AKT3: variants seen among roughly 807,000 people sequenced by gnomAD.
AKT3 encodes RAC-gamma serine/threonine-protein kinase.
A neutral mutation model predicts 65.3 loss-of-function variants in AKT3; 15 were observed. That is an observed-to-expected ratio of 0.23 (90% CI 0.15 to 0.35). The LOEUF (loss-of-function observed/expected upper bound fraction) is 0.35. Among genes scored for constraint, AKT3 ranks in the 10% least tolerant of loss-of-function variants. The pLI, the probability that AKT3 is intolerant of heterozygous loss-of-function variation, is 1.00. For missense variants in AKT3, 243 were observed against 576.5 expected (o/e 0.42, Z 5.92); for synonymous variants, 206 against 183.8 (o/e 1.12, Z -0.98).
rs887159202 is a variant in AKT3 at position 243,615,143 on chromosome 1, G to A, written c.580C>T (p.Leu194=). ...TTCTTTAATACTCTGCTTTCAGTTA[G>A]AGTGTGTGCCACTTCATCCTACAAA... ...IIAKDEVAHT[L]TESRVLKNTR... is the part of the protein sequence containing the mutation. Residue 194 remains leucine, a synonymous_variant, in exon 7 of 14, where the codon CTA becomes TTA. Transcript: ENST00000673466. 3.7e-6 allele frequency: 6 copies of A among 1,608,616 alleles called. No homozygotes were observed. Among genetic ancestry groups the A allele is most frequent in the African/African-American group, 2.7e-5 (2 of 74,806 alleles).
At chr1:243,615,495 A>G (rs757107255) in intron 6 of AKT3, among the ~76,000 whole-genome samples, 2 of 152,188 alleles carry the variant, frequency 1.3e-5, no homozygotes, top group Non-Finnish European at 2.9e-5. Flanking sequence ...CAATTTATCA[A>G]CTAATATTTC....
intron 13 of AKT3, among the ~76,000 whole-genome samples, chr1:243,509,284 G>T (rs1251369891): frequency 1.3e-5 from 2 of 152,166 alleles, no homozygotes; most frequent in Non-Finnish European, 2.9e-5. Flanking sequence ...ACTGTGCTGG[G>T]GGACTTCTAA....
At chr1:243,531,479 T>C (rs1399521748) in intron 12 of AKT3, among the ~76,000 whole-genome samples, 2 of 152,208 alleles carry the variant, frequency 1.3e-5, no homozygotes, top group East Asian at 1.9e-4. Context: ...CAAGTTTTTA[T>C]AGTTTTCTCC....
intron 12 of AKT3, among the ~76,000 whole-genome samples, chr1:243,527,932 CACACAG>C (rs1178371015): frequency 0.076 from 2,425 of 32,086 alleles, 21 homozygotes; most frequent in Non-Finnish European, 0.12. Context: ...CACACACACA[CACACAG>C]AGAGAGAGAG....
intron 8 of AKT3, among the ~76,000 whole-genome samples, chr1:243,598,530 T>C (rs1676788699): frequency 6.6e-6 from 1 of 152,196 alleles, no homozygotes; most frequent in Admixed American, 6.5e-5. Flanking sequence ...TCTCTCATAA[T>C]AGCCTAACAG....
At chr1:243,543,270 A>C (rs974707297) in intron 12 of AKT3, among the ~76,000 whole-genome samples, 3 of 152,068 alleles carry the variant, frequency 2.0e-5, no homozygotes, top group African/African-American at 7.2e-5. Flanking sequence ...GGGCTCTCAG[A>C]GCTTTCTCCA....
At chr1:243,657,084 C>T (rs960246064) in intron 4 of AKT3, among the ~76,000 whole-genome samples, 3 of 152,116 alleles carry the variant, frequency 2.0e-5, no homozygotes, top group Admixed American at 6.6e-5. Context: ...GGTTACTTAA[C>T]CCCAAAGGTG....
chr1:243,552,632 C>A, intron 11 of AKT3, 97 bp downstream of exon 11: 1 of 1,095,208 alleles, frequency 9.1e-7, no homozygotes, highest in South Asian at 1.4e-5. Context: ...ACACCAAATA[C>A]ATTGCTTCTT....
intron 2 of AKT3, among the ~76,000 whole-genome samples, chr1:243,830,292 T>C (rs1694421651): frequency 6.6e-6 from 1 of 152,168 alleles, no homozygotes; most frequent in Non-Finnish European, 1.5e-5. Context: ...ATGCAAATAC[T>C]ACACCATTTT....
At chr1:243,575,412 T>C (rs1283706821) in intron 8 of AKT3, among the ~76,000 whole-genome samples, 1 of 152,172 alleles carries the variant, frequency 6.6e-6, no homozygotes, top group African/African-American at 2.4e-5. Flanking sequence ...ATTCCAAGCA[T>C]TGAGTGCGGT....
intron 3 of AKT3, among the ~76,000 whole-genome samples, chr1:243,675,210 T>C (rs935798713): frequency 6.6e-6 from 1 of 151,990 alleles, no homozygotes; most frequent in Admixed American, 6.6e-5. Flanking sequence ...CAAAGTCACT[T>C]TTTTTTTGAG....
At chr1:243,620,661 C>T (rs1162196152) in intron 6 of AKT3, among the ~76,000 whole-genome samples, 5 of 152,146 alleles carry the variant, frequency 3.3e-5, no homozygotes, top group African/African-American at 1.2e-4. Flanking sequence ...AGCTGTCAGA[C>T]TGTCTTCTGT....
intron 12 of AKT3, among the ~76,000 whole-genome samples, chr1:243,518,903 C>G (rs1670533994): frequency 6.6e-6 from 1 of 152,126 alleles, no homozygotes; most frequent in South Asian, 2.1e-4. Flanking sequence ...GACAGAGCCC[C>G]TGTAAGAGCA....
chr1:243,724,415 G>A (rs1687090871), intron 2 of AKT3, among the ~76,000 whole-genome samples: 1 of 152,090 alleles, frequency 6.6e-6, no homozygotes, highest in Non-Finnish European at 1.5e-5. Context: ...CAGTAATCAA[G>A]ACCAAAAACA....
In AKT3 at chr1:243,502,465, G is replaced by A. The variant is rs115052218; in HGVS notation, c.*2784C>T. On this transcript the variant is annotated 3_prime_UTR_variant, in exon 14 of 14. Transcript: ENST00000673466. ...CAAGATGGCTGCATTATGACAAGAA[G>A]TCAAGCTTCATGACAGTTAGTATGG... is the stretch of plus-strand genomic sequence containing the variant. 3.0e-3 allele frequency: 696 copies of A among 233,242 alleles called. 9 individuals carry two copies. Among genetic ancestry groups the A allele is most frequent in the African/African-American group, 0.014 (615 of 45,464 alleles). The allele number at this position is 233,242 out of a possible 1,614,324, so 14.4% of individuals were successfully genotyped here.
At chr1:243,494,576 C>T (rs975437195) in intron 13 of AKT3, among the ~76,000 whole-genome samples, 11 of 152,094 alleles carry the variant, frequency 7.2e-5, no homozygotes, top group African/African-American at 9.7e-5. Context: ...CTGAGCGCCC[C>T]GTGTATAATT....
intron 3 of AKT3, among the ~76,000 whole-genome samples, chr1:243,668,871 G>A (rs947771941): frequency 3.9e-5 from 6 of 152,096 alleles, no homozygotes; most frequent in African/African-American, 1.2e-4. Flanking sequence ...GGATGTGCAA[G>A]ACAATGAAAA....
chr1:243,623,850 TA>T (rs1380864809), intron 6 of AKT3, among the ~76,000 whole-genome samples: 1 of 152,214 alleles, frequency 6.6e-6, no homozygotes, highest in Admixed American at 6.5e-5. Flanking sequence ...TATGTATATG[TA>T]TCCGATTGTG....
chr1:243,565,553 T>A (rs1405603915), intron 9 of AKT3, among the ~76,000 whole-genome samples: 1 of 152,134 alleles, frequency 6.6e-6, no homozygotes, highest in Non-Finnish European at 1.5e-5. Context: ...TTATCCAAAC[T>A]CAGTTATCTT....
Sources: allele counts gnomAD v4.1 joint callset (sites outside exome capture counted in the v4.1 genomes callset), GRCh38; gene constraint gnomAD v4.1.1; transcripts MANE v1.5; gene names NCBI Gene and HGNC (gene_info 2026-07-23, HGNC 2026-07-21).